Variants in EPHA3 observed in about 807,000 individuals in gnomAD.
EPHA3 encodes ephrin type-A receptor 3.
A neutral mutation model predicts 107.1 loss-of-function variants in EPHA3; 42 were observed. The ratio of observed to expected loss-of-function variants is 0.39; its 90% confidence interval spans 0.31 to 0.51. The LOEUF is 0.51. EPHA3 is among the 20% of genes least tolerant of loss of function. The pLI is 0.78. For missense variants in EPHA3, 1,183 were observed against 1,211.2 expected, an observed-to-expected ratio of 0.98 and a Z score of 0.35; for synonymous variants, 461 against 424.8, an observed-to-expected ratio of 1.09 and a Z score of -1.05.
chr3:89,393,434 T>C (rs1190508737), intron 5 of EPHA3, among the ~76,000 whole-genome samples: 2 of 152,204 alleles, frequency 1.3e-5, no homozygotes, highest in African/African-American at 4.8e-5. Context: ...TTCTTTGAAA[T>C]GAATTGTTTT....
rs114502592 is a variant in EPHA3 at position 89,430,638 on chromosome 3, A to G, written c.2137-512A>G. Among the ~76,000 whole-genome samples the G allele has an allele frequency of 9.7e-3, 1,480 of 152,268 alleles. 27 individuals carry two copies. Among genetic ancestry groups the G allele is most frequent in the African/African-American group, 0.034 (1,415 of 41,566 alleles). The stretch of plus-strand genomic sequence containing the variant: ...TTCTATTTTGTGACTACAATTCAGA[A>G]GTGGGTAGAAAAACAAATATCCAAT... On this transcript the variant is annotated intron_variant, in intron 12 of 16. Transcript: ENST00000336596.
intron 3 of EPHA3, among the ~76,000 whole-genome samples, chr3:89,299,006 A>C (rs1413325727): frequency 6.6e-6 from 1 of 152,146 alleles, no homozygotes; most frequent in Non-Finnish European, 1.5e-5. Context: ...TTATATAAAG[A>C]TGTGTTGTAC....
At chr3:89,287,386 G>A (rs1309036129) in intron 3 of EPHA3, among the ~76,000 whole-genome samples, 2 of 152,138 alleles carry the variant, frequency 1.3e-5, no homozygotes, top group Non-Finnish European at 1.5e-5. Context: ...TGGCATTCAA[G>A]TGAGTGTCCT....
chr3:89,476,881 T>C (rs1479517393), intron 16 of EPHA3, among the ~76,000 whole-genome samples: 3 of 152,060 alleles, frequency 2.0e-5, no homozygotes, highest in Admixed American at 6.6e-5. Context: ...GTGCTGGGAT[T>C]ACATTCCATG....
chr3:89,332,672 T>C (rs1707313751), intron 3 of EPHA3, among the ~76,000 whole-genome samples: 1 of 152,144 alleles, frequency 6.6e-6, no homozygotes, highest in African/African-American at 2.4e-5. Flanking sequence ...GCTGTGACCT[T>C]GTACAGGCAA....
intron 3 of EPHA3, among the ~76,000 whole-genome samples, chr3:89,332,209 T>G (rs1314811867): frequency 6.6e-6 from 1 of 152,132 alleles, no homozygotes; most frequent in Non-Finnish European, 1.5e-5. Flanking sequence ...TCCTTGAAAG[T>G]GGACAGCCAA....
At chr3:89,410,650 G>T (rs1709141244) in intron 9 of EPHA3, among the ~76,000 whole-genome samples, 2 of 151,858 alleles carry the variant, frequency 1.3e-5, no homozygotes, top group Non-Finnish European at 2.9e-5. Context: ...ACACATTATA[G>T]GGTTGATCTG....
Position 89,214,629 on chromosome 3 carries a change from A to C in EPHA3, c.814+4109A>C, listed in dbSNP as rs563247554. Among the ~76,000 whole-genome samples the C allele has an allele frequency of 2.3e-4, 35 of 152,022 alleles. No homozygotes were observed. The South Asian group carries it at 6.8e-3, about 30-fold the overall frequency. On this transcript the variant is annotated intron_variant, in intron 3 of 16. Transcript: ENST00000336596. Reference sequence around the variant, plus strand: ...ATTTTTTTTGTTCAATTAAACCTCTAGTCTATTAAACCATGGGTGATATTT... The same window carrying C: ...ATTTTTTTTGTTCAATTAAACCTCTCGTCTATTAAACCATGGGTGATATTT...
At chr3:89,245,559 C>T (rs953511760) in intron 3 of EPHA3, among the ~76,000 whole-genome samples, 1 of 152,136 alleles carries the variant, frequency 6.6e-6, no homozygotes, top group Non-Finnish European at 1.5e-5. Context: ...TTTAAAGATT[C>T]CTTATGTTGA....
At chr3:89,355,611 A>C (rs1183888448) in intron 5 of EPHA3, among the ~76,000 whole-genome samples, 1 of 150,696 alleles carries the variant, frequency 6.6e-6, no homozygotes, top group Non-Finnish European at 1.5e-5. Context: ...ATTGGACTAA[A>C]CTTACTGGCA....
intron 3 of EPHA3, among the ~76,000 whole-genome samples, chr3:89,250,221 T>C (rs2107261578): frequency 6.6e-6 from 1 of 152,314 alleles, no homozygotes; most frequent in East Asian, 1.9e-4. Context: ...CAAATCAGCT[T>C]CTCTGAGCCA....
At chr3:89,117,209 A>T (rs1439753928) in intron 1 of EPHA3, among the ~76,000 whole-genome samples, 1 of 152,066 alleles carries the variant, frequency 6.6e-6, no homozygotes, top group African/African-American at 2.4e-5. Context: ...GTTAAGAAAA[A>T]TAGATGAATA....
rs546625593 is a variant in EPHA3, at chr3:89,164,382, C to T, written c.153+37109C>T. Among the ~76,000 whole-genome samples the T allele has an allele frequency of 2.0e-5, 3 of 152,346 alleles. No individual in the cohort carries two copies. The East Asian group carries it at 5.8e-4, about 29-fold the overall frequency. On this transcript the variant is annotated intron_variant, in intron 2 of 16. Coordinates refer to ENST00000336596, the MANE Select transcript of EPHA3 (RefSeq NM_005233.6). ...GCCCACTGGCTGTGGGTTGAACAAG[C>T]TTGGCCTAGACACGCCCCCCTAAAA...
chr3:89,373,138 A>T (rs1332338477), intron 5 of EPHA3, among the ~76,000 whole-genome samples: 1 of 151,936 alleles, frequency 6.6e-6, no homozygotes, highest in Non-Finnish European at 1.5e-5. Context: ...TGCTGAAATC[A>T]ACATTTTAAA....
At chr3:89,391,501 G>A (rs1219124027) in intron 5 of EPHA3, among the ~76,000 whole-genome samples, 1 of 142,056 alleles carries the variant, frequency 7.0e-6, no homozygotes, top group Non-Finnish European at 1.5e-5. Context: ...CTCGATGCAA[G>A]CCTGCAAGCT....
chr3:89,179,919 G>T (rs1321008706), intron 2 of EPHA3, among the ~76,000 whole-genome samples: 8 of 151,028 alleles, frequency 5.3e-5, no homozygotes, highest in Non-Finnish European at 1.0e-4. Context: ...GTCTCACTGA[G>T]AGCAGGGTTT....
In EPHA3 at chr3:89,187,419, T is replaced by C. The variant is rs1431583031; in HGVS notation, c.154-22441T>C. ...TTTATTTATATATTATTCATAAGTG[T>C]ATAAAGCTATACATGTATTATGTAA... On this transcript the variant is annotated intron_variant, in intron 2 of 16. Coordinates refer to ENST00000336596, the MANE Select transcript of EPHA3 (RefSeq NM_005233.6). Among the ~76,000 whole-genome samples, 6 of 149,732 alleles carry C rather than the reference T, an allele frequency of 4.0e-5. No individual in the cohort carries two copies. In the East Asian group the frequency reaches 9.7e-4, roughly 24 times the overall value.
chr3:89,281,758 CA>C (rs2107315654), intron 3 of EPHA3, among the ~76,000 whole-genome samples: 1 of 152,282 alleles, frequency 6.6e-6, no homozygotes, highest in African/African-American at 2.4e-5. Flanking sequence ...TGCCTTTCTG[CA>C]ACAAATCTTG....
intron 15 of EPHA3, 124 bp from the exon 16 acceptor site, chr3:89,472,340 T>G: frequency 9.6e-7 from 1 of 1,046,276 alleles, no homozygotes; most frequent in Non-Finnish European, 1.4e-6. Flanking sequence ...GCAGATAAAT[T>G]CCACAAATGA....
Sources: allele counts gnomAD v4.1 joint callset (sites outside exome capture counted in the v4.1 genomes callset), GRCh38; gene constraint gnomAD v4.1.1; transcripts MANE v1.5; gene names NCBI Gene and HGNC (gene_info 2026-07-23, HGNC 2026-07-21).